PTPRD: variants seen among roughly 807,000 people sequenced by gnomAD.
PTPRD encodes receptor-type tyrosine-protein phosphatase delta.
A neutral mutation model predicts 214.5 loss-of-function variants in PTPRD; 34 were observed. That is an observed-to-expected ratio of 0.16 (90% confidence interval 0.12 to 0.21). The LOEUF (loss-of-function observed/expected upper bound fraction) is 0.21, where lower values mean the gene tolerates loss of function less well. Ranked by LOEUF, PTPRD falls within the 10% of genes least tolerant of loss-of-function variation. The pLI, the probability that PTPRD is intolerant of heterozygous loss-of-function variation, is 1.00. For synonymous variants in PTPRD, 1,128 were observed against 845.7 expected, an observed-to-expected ratio of 1.33 and a Z score of -5.79; for missense variants, 2,545 against 2,398.7, an observed-to-expected ratio of 1.06 and a Z score of -1.27.
chr9:8,581,205 AT>A (rs1367361214), intron 14 of PTPRD, among the ~76,000 whole-genome samples: 3 of 152,140 alleles, frequency 2.0e-5, no homozygotes, highest in Admixed American at 6.5e-5. Flanking sequence ...TAAAAAAAAA[AT>A]CAAACCAAAA....
chr9:9,947,745 G>C (rs2092974475), intron 4 of PTPRD, among the ~76,000 whole-genome samples: 1 of 142,286 alleles, frequency 7.0e-6, no homozygotes, highest in African/African-American at 2.6e-5. Flanking sequence ...GCACTGTTGT[G>C]AGAAGTTCAT....
chr9:9,886,068 G>C (rs117527110), intron 5 of PTPRD, among the ~76,000 whole-genome samples: 8 of 151,844 alleles, frequency 5.3e-5, no homozygotes, highest in African/African-American at 1.9e-4. Context: ...GAACTGCTAT[G>C]GATAGAAAAC....
At chr9:9,507,111 TA>T (rs1406772824) in intron 8 of PTPRD, among the ~76,000 whole-genome samples, 1 of 151,304 alleles carries the variant, frequency 6.6e-6, no homozygotes, top group African/African-American at 2.4e-5. Context: ...TAGGAAATAA[TA>T]AAAGATGAAA....
At chr9:10,522,379 G>A (rs537410543) in intron 2 of PTPRD, among the ~76,000 whole-genome samples, 1 of 152,114 alleles carries the variant, frequency 6.6e-6, no homozygotes. Flanking sequence ...TTCAGAATTT[G>A]CACAAAGCTT....
At chr9:10,219,116 G>C (rs1019101404) in intron 3 of PTPRD, among the ~76,000 whole-genome samples, 3 of 151,666 alleles carry the variant, frequency 2.0e-5, no homozygotes, top group African/African-American at 7.3e-5. Context: ...TAATAAATTA[G>C]AAAGGACTGA....
At position 10,053,764 on chromosome 9, in the gene PTPRD, G is replaced by A. The variant is rs138550307; in HGVS notation, c.-544-19974C>T. 7.2e-5 allele frequency among the ~76,000 whole-genome samples: 11 copies of A among 151,950 alleles called. No homozygotes were observed. In the East Asian group the frequency reaches 1.6e-3, roughly 21 times the overall value. ...TCTGTATAGGACATAGGATGACTTC[G>A]CAACTTTTTTTTTGGCAACAGTCTC... is the stretch of plus-strand genomic sequence containing the variant. On this transcript the variant is annotated intron_variant, in intron 3 of 45. Transcript: ENST00000381196.
chr9:8,374,490 T>C (rs1194170218), intron 39 of PTPRD, among the ~76,000 whole-genome samples: 1 of 151,970 alleles, frequency 6.6e-6, no homozygotes, highest in African/African-American at 2.4e-5. Flanking sequence ...TGCAGAAAAC[T>C]GCAACTGGAG....
chr9:8,706,505 C>CT (rs1004573698), intron 12 of PTPRD, among the ~76,000 whole-genome samples: 21 of 152,140 alleles, frequency 1.4e-4, no homozygotes, highest in African/African-American at 4.1e-4. Flanking sequence ...CATGGTCTCT[C>CT]TTTTTTTTCC....
At chr9:10,428,656 A>G (rs1434338887) in intron 2 of PTPRD, among the ~76,000 whole-genome samples, 1 of 152,106 alleles carries the variant, frequency 6.6e-6, no homozygotes, top group African/African-American at 2.4e-5. Context: ...AAAGGTCAAT[A>G]TAAAGAATCA....
intron 10 of PTPRD, among the ~76,000 whole-genome samples, chr9:9,086,332 A>G (rs551353199): frequency 6.6e-6 from 1 of 152,278 alleles, no homozygotes; most frequent in African/African-American, 2.4e-5. Flanking sequence ...TCTAGAACGC[A>G]TGCTGTTCAT....
intron 11 of PTPRD, among the ~76,000 whole-genome samples, chr9:8,929,837 A>ATGTG (rs1567063226): frequency 8.5e-6 from 1 of 117,266 alleles, no homozygotes; most frequent in Admixed American, 9.9e-5. Flanking sequence ...ATATGTGTAT[A>ATGTG]TATATGTGTG....
intron 12 of PTPRD, among the ~76,000 whole-genome samples, chr9:8,639,592 A>G (rs2154332226): frequency 6.6e-6 from 1 of 152,282 alleles, no homozygotes; most frequent in East Asian, 1.9e-4. Context: ...GAAGTAGGAT[A>G]CCCTTTTCCC....
intron 7 of PTPRD, among the ~76,000 whole-genome samples, chr9:9,676,819 T>C (rs2096940851): frequency 6.6e-6 from 1 of 152,162 alleles, no homozygotes; most frequent in Non-Finnish European, 1.5e-5. Flanking sequence ...ATCGCCATTT[T>C]AACTGGTGTG....
At chr9:10,149,871 C>T (rs1000842035) in intron 3 of PTPRD, among the ~76,000 whole-genome samples, 2 of 151,892 alleles carry the variant, frequency 1.3e-5, no homozygotes, top group Non-Finnish European at 2.9e-5. Flanking sequence ...GCTGGGATTA[C>T]AGGCACCTGC....
At chr9:9,114,756 A>AGATGGCC (rs1446510359) in intron 10 of PTPRD, among the ~76,000 whole-genome samples, 1 of 152,154 alleles carries the variant, frequency 6.6e-6, no homozygotes, top group African/African-American at 2.4e-5. Context: ...ATAGTTAAGC[A>AGATGGCC]GATGGCCGGC....
At chr9:9,374,406 A>G (rs2060268363) in intron 9 of PTPRD, among the ~76,000 whole-genome samples, 1 of 152,150 alleles carries the variant, frequency 6.6e-6, no homozygotes, top group Admixed American at 6.6e-5. Context: ...ATTTCAAAAG[A>G]AGAAGATAAT....
At chr9:10,232,387 A>G (rs1283047992) in intron 3 of PTPRD, among the ~76,000 whole-genome samples, 1 of 152,006 alleles carries the variant, frequency 6.6e-6, no homozygotes, top group Non-Finnish European at 1.5e-5. Flanking sequence ...GATGAAGTCA[A>G]ATATCTGGAT....
intron 5 of PTPRD, among the ~76,000 whole-genome samples, chr9:9,806,801 G>A (rs2099075877): frequency 6.6e-6 from 1 of 152,048 alleles, no homozygotes; most frequent in African/African-American, 2.4e-5. Flanking sequence ...AAAATGGCGG[G>A]GTTTGACTGG....
chr9:9,545,065 T>A (rs971365562), intron 8 of PTPRD, among the ~76,000 whole-genome samples: 2 of 151,754 alleles, frequency 1.3e-5, no homozygotes, highest in East Asian at 3.9e-4. Context: ...GTCCCACATA[T>A]GGATAAGGTT....
Sources: gnomAD v4.1 joint callset for allele counts (sites outside exome capture counted in the v4.1 genomes callset) on GRCh38, gnomAD v4.1.1 for gene constraint, MANE v1.5 for transcripts, NCBI Gene and HGNC (gene_info 2026-07-23, HGNC 2026-07-21) for gene names.